The following CMIP variants were observed in gnomAD, a reference collection of about 807,000 sequenced individuals.
The protein encoded by CMIP is c-Maf inducing protein.
CMIP carries 13 observed loss-of-function variants against 97.3 expected under a neutral mutation model. That is an observed-to-expected ratio of 0.13 (90% CI 0.09 to 0.21). The LOEUF is 0.21. Ranked by LOEUF, CMIP falls within the 10% of genes least tolerant of loss-of-function variation. The pLI is 1.00. For missense variants in CMIP, 847 were observed against 1,024.9 expected (o/e 0.83, Z 2.37); for synonymous variants, 538 against 436.3 (o/e 1.23, Z -2.91).
chr16:81,497,575 A>C (rs930366320), intron 1 of CMIP, among the ~76,000 whole-genome samples: 2 of 152,126 alleles, frequency 1.3e-5, no homozygotes, highest in African/African-American at 2.4e-5. Flanking sequence ...TGGAGAAGTC[A>C]CTCTAATAAC....
At chr16:81,464,691 C>A (rs8044403) in intron 1 of CMIP, 1 of 152,016 alleles carries the variant, frequency 6.6e-6, no homozygotes, top group Admixed American at 6.5e-5. Context: ...TTTTCATCAT[C>A]CCCAGCACAA....
chr16:81,447,384 G>A (rs1009236136), intron 1 of CMIP, among the ~76,000 whole-genome samples: 1 of 152,066 alleles, frequency 6.6e-6, no homozygotes, highest in African/African-American at 2.4e-5. Flanking sequence ...TGAGTGTCCC[G>A]CTGCTACCGT....
At chr16:81,666,405 C>T (rs1452144884) in intron 7 of CMIP, 1 of 152,190 alleles carries the variant, frequency 6.6e-6, no homozygotes, top group Non-Finnish European at 1.5e-5. Flanking sequence ...TTGAGGACAT[C>T]TGACTTCAAA....
At chr16:81,495,016 A>G (rs66710707) in intron 1 of CMIP, among the ~76,000 whole-genome samples, 43,666 of 151,970 alleles carry the variant, frequency 0.29, 6,418 homozygotes, top group East Asian at 0.37. Flanking sequence ...CCCACACACA[A>G]TTCTGATGAC....
At chr16:81,508,064 A>G (rs933502596) in intron 1 of CMIP, among the ~76,000 whole-genome samples, 3 of 152,258 alleles carry the variant, frequency 2.0e-5, no homozygotes, top group Non-Finnish European at 2.9e-5. Flanking sequence ...ACAGAGAGGA[A>G]CAAAGCAGGA....
chr16:81,527,718 C>A (rs530167520), intron 1 of CMIP, among the ~76,000 whole-genome samples: 2 of 152,324 alleles, frequency 1.3e-5, no homozygotes, highest in African/African-American at 4.8e-5. Context: ...TATGTCTGGC[C>A]TCTTTGGCTC....
At chr16:81,549,136 A>T (rs2090605728) in intron 1 of CMIP, among the ~76,000 whole-genome samples, 1 of 152,154 alleles carries the variant, frequency 6.6e-6, no homozygotes. Context: ...TTTTCTGATG[A>T]TTTGTCACTG....
At chr16:81,605,244 C>T (rs180798328) in intron 1 of CMIP, among the ~76,000 whole-genome samples, 25 of 152,288 alleles carry the variant, frequency 1.6e-4, no homozygotes, top group African/African-American at 5.1e-4. Context: ...CTTTGAGGCA[C>T]GCTGCATAAA....
chr16:81,587,161 C>T (rs191391324), intron 1 of CMIP, among the ~76,000 whole-genome samples: 89 of 152,240 alleles, frequency 5.8e-4, no homozygotes, highest in African/African-American at 2.0e-3. Context: ...GGTGTTTATA[C>T]AGGAGAAAGG....
At chr16:81,481,066 G>A (rs1201048737) in intron 1 of CMIP, among the ~76,000 whole-genome samples, 1 of 152,232 alleles carries the variant, frequency 6.6e-6, no homozygotes, top group East Asian at 1.9e-4. Context: ...CTTTGGCCCG[G>A]CTGTCTCCCT....
At chr16:81,615,556 CTGTA>C (rs1447984281) in intron 2 of CMIP, among the ~76,000 whole-genome samples, 11 of 119,416 alleles carry the variant, frequency 9.2e-5, no homozygotes, top group Admixed American at 3.5e-4. Context: ...GCATGTGTAA[CTGTA>C]TGGTGCGTGT....
intron 1 of CMIP, among the ~76,000 whole-genome samples, chr16:81,584,487 G>A (rs2091348228): frequency 2.0e-5 from 3 of 152,176 alleles, no homozygotes; most frequent in African/African-American, 7.2e-5. Flanking sequence ...ATGTATGTAA[G>A]TGTAAAATCA....
intron 1 of CMIP, among the ~76,000 whole-genome samples, chr16:81,561,634 G>A (rs1391495857): frequency 2.0e-5 from 3 of 152,308 alleles, no homozygotes; most frequent in East Asian, 3.9e-4. Context: ...TGAGTTTTCT[G>A]CGGAGTGGAG....
chr16:81,697,376 G>A (rs1449329671), intron 14 of CMIP: 1 of 152,268 alleles, frequency 6.6e-6, no homozygotes, highest in Non-Finnish European at 1.5e-5. Context: ...AGGAGTAAAG[G>A]GCCACAGACT....
intron 1 of CMIP, among the ~76,000 whole-genome samples, chr16:81,568,047 T>G (rs1239719214): frequency 4.1e-5 from 6 of 147,578 alleles, no homozygotes; most frequent in Admixed American, 4.0e-4. Context: ...GTGTTTTTTT[T>G]TTTTTTTTTT....
At chr16:81,508,986 C>G (rs781091550) in intron 1 of CMIP, among the ~76,000 whole-genome samples, 13 of 152,244 alleles carry the variant, frequency 8.5e-5, no homozygotes, top group Non-Finnish European at 1.5e-4. Context: ...CAGGAATGAA[C>G]TCTTGAATAC....
chr16:81,573,057 C>T (rs2091124060), intron 1 of CMIP, among the ~76,000 whole-genome samples: 1 of 152,174 alleles, frequency 6.6e-6, no homozygotes, highest in Admixed American at 6.5e-5. Flanking sequence ...AAAAATGCAC[C>T]TTTAGACCAG....
chr16:81,615,566 CGT>C (rs1567612186), intron 2 of CMIP, among the ~76,000 whole-genome samples: 1 of 86,678 alleles, frequency 1.2e-5, no homozygotes, highest in Non-Finnish European at 2.3e-5. Context: ...CTGTATGGTG[CGT>C]GTGTGTATAG....
chr16:81,545,795 C>G (rs995149675), intron 1 of CMIP, among the ~76,000 whole-genome samples: 1 of 152,330 alleles, frequency 6.6e-6, no homozygotes, highest in East Asian at 1.9e-4. Flanking sequence ...CCGGCCCTCC[C>G]GTGGGCCCCA....
Sources: allele counts gnomAD v4.1 joint callset (sites outside exome capture counted in the v4.1 genomes callset), GRCh38; gene constraint gnomAD v4.1.1; transcripts MANE v1.5; gene names NCBI Gene and HGNC (gene_info 2026-07-23, HGNC 2026-07-21).